TET3: variants seen among roughly 807,000 people sequenced by gnomAD.
TET3 encodes methylcytosine dioxygenase TET3.
TET3 carries 19 observed loss-of-function variants against 141.4 expected under a neutral mutation model. The ratio of observed to expected loss-of-function variants is 0.13; its 90% CI spans 0.09 to 0.20. The LOEUF (loss-of-function observed/expected upper bound fraction) is 0.20, where lower values mean the gene tolerates loss of function less well. TET3 is among the 10% of genes least tolerant of loss of function. TET3 has a pLI of 1.00. For synonymous variants in TET3, 1,043 were observed against 980.9 expected, an observed-to-expected ratio of 1.06 and a Z score of -1.18; for missense variants, 1,874 against 2,356.9, an observed-to-expected ratio of 0.80 and a Z score of 4.24.
At chr2:73,984,793 C>G (rs894587938), upstream of TET3, among the ~76,000 whole-genome samples, 6 of 149,124 alleles carry the variant, frequency 4.0e-5, no homozygotes, top group African/African-American at 1.5e-4. This position sits in a 1 kb window ranked among gnomAD's most constrained non-coding sequence, Gnocchi z 5.6. Context: ...AACCACCCCC[C>G]TCTCGCCCGG....
In TET3 at chr2:74,101,209, C is replaced by T. The variant is rs1030846816; in HGVS notation, c.4421C>T (p.Ser1474Phe). 6.2e-7 allele frequency: 1 copy of T among 1,613,334 alleles called. No individual in the cohort carries two copies. Among genetic ancestry groups the T allele is most frequent in the East Asian group, 2.2e-5 (1 of 44,862 alleles). ...SPAIVPDKLS[S>F]FGASCLAPSH... ...GCCATCGTCCCTGACAAGCTCAGTT[C>T]CTTTGGGGCCAGCTGCCTGGCCCCT... The change falls in exon 12 of 12, where the codon TCC (serine) becomes TTC (phenylalanine). Residue 1474 changes from serine (S) to phenylalanine (F), a missense_variant. By Grantham distance (155) the Ser-to-Phe change is radical. Transcript: ENST00000409262. The surrounding 1 kb of genome is among the most constrained non-coding windows in gnomAD (Gnocchi z 8.5).
intron 4 of TET3, among the ~76,000 whole-genome samples, chr2:74,073,218 T>C (rs1330656137): frequency 2.0e-5 from 3 of 152,190 alleles, no homozygotes; most frequent in African/African-American, 7.2e-5. Context: ...AGAAATGGAA[T>C]TACTGGGTCA....
At chr2:74,088,278 A>C (rs1301017603) in intron 7 of TET3, among the ~76,000 whole-genome samples, 1 of 152,180 alleles carries the variant, frequency 6.6e-6, no homozygotes, top group African/African-American at 2.4e-5. Context: ...CAGGTCGATA[A>C]CACTGGCACT....
chr2:74,016,365 G>A (rs932761328), intron 3 of TET3, among the ~76,000 whole-genome samples: 4 of 151,528 alleles, frequency 2.6e-5, no homozygotes, highest in Admixed American at 2.6e-4. Context: ...GCACTGTGCT[G>A]TTAGGTAGGG....
At chr2:74,013,374 G>GACCT (rs1685569499) in intron 3 of TET3, among the ~76,000 whole-genome samples, 1 of 152,076 alleles carries the variant, frequency 6.6e-6, no homozygotes, top group Non-Finnish European at 1.5e-5. Flanking sequence ...GAATCAGATT[G>GACCT]ACCTATAATT....
At chr2:73,986,872 G>T (rs1280935323) in intron 2 of TET3, among the ~76,000 whole-genome samples, 166 bp downstream of exon 2, 3 of 152,178 alleles carry the variant, frequency 2.0e-5, no homozygotes, top group Non-Finnish European at 4.4e-5. Flanking sequence ...CTCCTTTGCA[G>T]GGCTGACAAT....
chr2:74,002,626 G>C (rs1384948730), intron 2 of TET3: 1 of 358,340 alleles, frequency 2.8e-6, no homozygotes, highest in African/African-American at 2.1e-5. Flanking sequence ...GGCAGGGCCG[G>C]CCGCGGGGAT....
chr2:73,996,700 G>T (rs1277857252), intron 2 of TET3, among the ~76,000 whole-genome samples: 1 of 152,202 alleles, frequency 6.6e-6, no homozygotes, highest in Non-Finnish European at 1.5e-5. Flanking sequence ...TAGAGACAGG[G>T]TTTCGCCATG....
chr2:73,984,918 C>T lies in TET3; in HGVS notation c.-664C>T, dbSNP rs1444547404. On this transcript the variant is annotated 5_prime_UTR_variant, in exon 1 of 12. Coordinates refer to ENST00000409262, the MANE Select transcript of TET3 (RefSeq NM_001287491.2). This position sits in a 1 kb window ranked among gnomAD's most constrained non-coding sequence, Gnocchi z 5.6. ...GGTGCGCGGGGGGCGGGGAGTCCCG[C>T]GGACGCCTTCATTGCTGCTGCTGCT... Among the ~76,000 whole-genome samples the T allele has an allele frequency of 2.1e-5, 3 of 146,208 alleles. No individual in the cohort carries two copies. Among genetic ancestry groups the T allele is most frequent in the Non-Finnish European group, 3.0e-5 (2 of 65,692 alleles).
At chr2:74,066,414 T>C (rs920170924) in intron 4 of TET3, among the ~76,000 whole-genome samples, 1 of 152,240 alleles carries the variant, frequency 6.6e-6, no homozygotes, top group African/African-American at 2.4e-5. Flanking sequence ...GTTACACATA[T>C]GCATGCACAG....
Position 74,073,594 on chromosome 2 carries a change from G to T in TET3, c.2540G>T (p.Gly847Val). ...GAAGGTCCATATTATACTCACTTGGGATCTGGCCCCACGGTCGCCTCTATC... is the reference window on the plus strand; with the variant it reads ...GAAGGTCCATATTATACTCACTTGGTATCTGGCCCCACGGTCGCCTCTATC... ...KDEGPYYTHL[G>V]SGPTVASIRE... The change falls in exon 5 of 12, where the codon GGA (glycine) becomes GTA (valine). Residue 847 changes from glycine (G) to valine (V), a missense_variant. Physicochemically the swap from Gly to Val is moderately radical, Grantham distance 109. This residue lies in a region of TET3 where 126 missense variants were observed against 327.4 expected (regional missense o/e 0.38). Transcript: ENST00000409262. 1 of 1,612,490 alleles carries T rather than the reference G, an allele frequency of 6.2e-7. No individual in the cohort carries two copies. Among genetic ancestry groups the T allele is most frequent in the Non-Finnish European group, 8.5e-7 (1 of 1,179,382 alleles).
At chr2:74,080,729 G>A in intron 6 of TET3, 138 bp downstream of exon 6, 1 of 677,778 alleles carries the variant, frequency 1.5e-6, no homozygotes, top group Non-Finnish European at 2.5e-6. Context: ...GTGTGTAGGA[G>A]ACAACATGTT....
At chr2:73,983,730 C>T (rs1328641842), upstream of TET3, among the ~76,000 whole-genome samples, 1 of 152,232 alleles carries the variant, frequency 6.6e-6, no homozygotes, top group African/African-American at 2.4e-5. Context: ...AGCCGGGCGG[C>T]GACGCCTGCC....
At chr2:74,120,344 C>G in the TET3 span, among the ~76,000 whole-genome samples, 1 of 152,242 alleles carries the variant, frequency 6.6e-6, no homozygotes, top group Non-Finnish European at 1.5e-5. Flanking sequence ...GGGTCCCAGC[C>G]CGGCAGGAGC....
the TET3 span, chr2:74,120,655 G>C: frequency 6.6e-6 from 1 of 152,306 alleles, no homozygotes; most frequent in Non-Finnish European, 1.5e-5. Context: ...TGGCCGAGTG[G>C]GACCCACTTG....
At chr2:74,070,571 T>C (rs1357793087) in intron 4 of TET3, among the ~76,000 whole-genome samples, 5 of 152,228 alleles carry the variant, frequency 3.3e-5, no homozygotes, top group Admixed American at 1.3e-4. Context: ...CTGTTGCAGG[T>C]TTCTGATTTT....
intron 3 of TET3, among the ~76,000 whole-genome samples, chr2:74,043,431 G>T (rs1013084664): frequency 6.6e-6 from 1 of 152,180 alleles, no homozygotes; most frequent in Non-Finnish European, 1.5e-5. Context: ...CCTGCCTGGA[G>T]CCACCATCAA....
intron 4 of TET3, among the ~76,000 whole-genome samples, chr2:74,061,684 G>A (rs1219858016): frequency 1.4e-5 from 2 of 140,590 alleles, no homozygotes; most frequent in South Asian, 4.5e-4. Context: ...GGGCGGAGGG[G>A]CTCCTCACTT....
downstream of TET3, among the ~76,000 whole-genome samples, chr2:74,111,368 G>A (rs1691700058): frequency 6.6e-6 from 1 of 152,182 alleles, no homozygotes; most frequent in South Asian, 2.1e-4. Flanking sequence ...TAAGGTCAAA[G>A]TCTTAACCAA....
Sources: allele counts gnomAD v4.1 joint callset (sites outside exome capture counted in the v4.1 genomes callset), GRCh38; gene constraint gnomAD v4.1.1; regional missense constraint gnomAD v4.1.1; non-coding constraint Gnocchi (gnomAD v3.1); transcripts MANE v1.5; gene names NCBI Gene and HGNC (gene_info 2026-07-23, HGNC 2026-07-21).